Variants in FBF1 observed in about 807,000 individuals in gnomAD.
FBF1 encodes fas-binding factor 1.
A neutral mutation model predicts 147.2 loss-of-function variants in FBF1; 119 were observed. The ratio of observed to expected loss-of-function variants is 0.81; its 90% CI spans 0.70 to 0.94. The LOEUF is 0.94. Among genes scored for constraint, FBF1 ranks in the 40% least tolerant of loss-of-function variants. The probability of loss-of-function intolerance (pLI) is 0.00; values close to 1 mark genes in which losing one functional copy is unlikely to be tolerated. For missense variants in FBF1, 1,449 were observed against 1,500.8 expected, an observed-to-expected ratio of 0.97 and a Z score of 0.57; for synonymous variants, 601 against 609.0, an observed-to-expected ratio of 0.99 and a Z score of 0.19.
chr17:75,910,044 C>G lies in FBF1; in HGVS notation c.*679G>C, dbSNP rs950241038. On this transcript the variant is annotated 3_prime_UTR_variant, in exon 30 of 30. Coordinates refer to ENST00000636174, the MANE Select transcript of FBF1 (RefSeq NM_001319193.2). The surrounding 1 kb of genome is among the most constrained non-coding windows in gnomAD (Gnocchi z 4.1). ...CACCCCACCATCGCCACAGCTCCCT[C>G]CGCCGCCGGTGGGGCACCCAGATGG... 4 of 647,516 alleles carry G rather than the reference C, an allele frequency of 6.2e-6. No individual in the cohort carries two copies. The highest frequency in any genetic ancestry group is 5.6e-4 in the Middle Eastern group (2 of 3,566). The allele number at this position is 647,516 out of a possible 1,614,324, so 40.1% of individuals were successfully genotyped here.
At chr17:75,921,118 C>T (rs370464021) in intron 17 of FBF1, 126 bp downstream of exon 17, 66 of 966,870 alleles carry the variant, frequency 6.8e-5, no homozygotes, top group East Asian at 3.7e-4. Flanking sequence ...AGCTGGCTGA[C>T]GTCACATTTG....
At position 75,914,298 on chromosome 17, in the gene FBF1, C is replaced by T; in HGVS notation, c.2815G>A (p.Glu939Lys). 6.3e-7 allele frequency: 1 copy of T among 1,589,280 alleles called. No individual in the cohort carries two copies. The highest frequency in any genetic ancestry group is 2.3e-5 in the East Asian group (1 of 44,272). Residue 939 changes from glutamate (E) to lysine (K), a missense_variant and splice_region_variant, in exon 26 of 30, where the codon GAG becomes AAG. By Grantham distance (56) the Glu-to-Lys change is moderately conservative. Transcript: ENST00000636174. ...REGTLISLAK[E>K]QAELKIRASE... is the part of the protein sequence containing the mutation. ...GCCCTGATCTTCAGCTCAGCCTGCT[C>T]CTGGAGACAGCGGAGGCCCTGCTGC... is the stretch of plus-strand genomic sequence containing the variant.
Position 75,912,256 on chromosome 17 carries a change from C to T in FBF1, c.3299G>A (p.Gly1100Asp), listed in dbSNP as rs747063973. ...TTRWCSQPPTGLDPSPLHLHA... is the reference protein window; with the variant it reads ...TTRWCSQPPTDLDPSPLHLHA... ...GAGGTGCAAGGGGCTGGGGTCCAGG[C>T]CAGTTGGCGGCTGGCTGCACCAACG... is the stretch of plus-strand genomic sequence containing the variant. Residue 1100 changes from glycine to aspartate, a missense_variant, in exon 29 of 30, where the codon GGC becomes GAC. Coordinates refer to ENST00000636174, the MANE Select transcript of FBF1 (RefSeq NM_001319193.2). The T allele has an allele frequency of 1.6e-5, 25 of 1,610,688 alleles. No homozygotes were observed. Among genetic ancestry groups the T allele is most frequent in the Non-Finnish European group, 2.1e-5 (25 of 1,178,986 alleles).
At chr17:75,911,396 G>A (rs2065456061) in intron 29 of FBF1, among the ~76,000 whole-genome samples, 1 of 152,228 alleles carries the variant, frequency 6.6e-6, no homozygotes, top group African/African-American at 2.4e-5. Flanking sequence ...TGTCACCCAA[G>A]CTGAAGTGCA....
chr17:75,929,138 C>T (rs1362684484), intron 7 of FBF1, among the ~76,000 whole-genome samples: 1 of 152,056 alleles, frequency 6.6e-6, no homozygotes, highest in East Asian at 1.9e-4. Context: ...TTACAGGTGC[C>T]TGGCCTTTGA....
At chr17:75,930,799 G>T (rs1282282660) in intron 6 of FBF1, among the ~76,000 whole-genome samples, 1 of 152,156 alleles carries the variant, frequency 6.6e-6, no homozygotes, top group Non-Finnish European at 1.5e-5. Flanking sequence ...GTGGGTGCCT[G>T]TAATCCCAGC....
chr17:75,919,769 G>A lies in FBF1; in HGVS notation c.2037C>T (p.Ala679=), dbSNP rs17852146. ...SARYLSQCQE[A]EQARAELTAQ... ...CCGTAAGCTCAGCACGGGCCTGTTC[G>A]GCCTCCTGGCACTGCGACAGATACC... is the stretch of plus-strand genomic sequence containing the variant. The change falls in exon 20 of 30, where the codon GCC becomes GCT. Residue 679 remains alanine (A), a synonymous_variant. Coordinates refer to ENST00000636174, the MANE Select transcript of FBF1 (RefSeq NM_001319193.2). The surrounding 1 kb of genome is among the most constrained non-coding windows in gnomAD (Gnocchi z 5.0). 8.1e-6 allele frequency: 13 copies of A among 1,613,616 alleles called. No homozygotes were observed. Among genetic ancestry groups the A allele is most frequent in the African/African-American group, 2.7e-5 (2 of 75,038 alleles).
chr17:75,927,468 C>A lies in FBF1; in HGVS notation c.462G>T (p.Arg154Ser), dbSNP rs778301808. ...SPSSSGHQNR[R>S]FSSEDLEDPL... ...AGCCTATGGTACCTTCAGAGGAAAA[C>A]CTCCTGTTCTGATGCCCAGAGCTGC... is the stretch of plus-strand genomic sequence containing the variant. The change falls in exon 9 of 30, where the codon AGG (arginine) becomes AGT (serine). Residue 154 changes from arginine to serine, a missense_variant. By Grantham distance (110) the Arg-to-Ser change is moderately radical. Transcript: ENST00000636174. The A allele has an allele frequency of 6.3e-7, 1 of 1,596,268 alleles. No homozygotes were observed. Among genetic ancestry groups the A allele is most frequent in the Admixed American group, 1.7e-5 (1 of 57,336 alleles).
Position 75,925,807 on chromosome 17 carries a change from G to A in FBF1, c.868+223C>T, listed in dbSNP as rs2065557133. Among the ~76,000 whole-genome samples the A allele has an allele frequency of 6.6e-6, 1 of 152,232 alleles. No homozygotes were observed. The highest frequency in any genetic ancestry group is 2.1e-4 in the South Asian group (1 of 4,830). ...ACCAGCTTAATGTGTCACAGCCAGT[G>A]TGTTTCCAAATCAAACAGCATCTCA... On this transcript the variant is annotated intron_variant, in intron 12 of 29. Coordinates refer to ENST00000636174, the MANE Select transcript of FBF1 (RefSeq NM_001319193.2). This position sits in a 1 kb window ranked among gnomAD's most constrained non-coding sequence, Gnocchi z 5.0.
Position 75,917,215 on chromosome 17 carries a change from C to T in FBF1, c.2505+517G>A, listed in dbSNP as rs745659690. ...TGGGCCTTAAGTGATCCTGCTGCCT[C>T]AGCCCCCCAAGTAGCTGGGATTATA... On this transcript the variant is annotated intron_variant, in intron 23 of 29. Transcript: ENST00000636174. Among the ~76,000 whole-genome samples, 3 of 152,234 alleles carry T rather than the reference C, an allele frequency of 2.0e-5. No homozygotes were observed. The East Asian group carries it at 5.8e-4, about 29-fold the overall frequency.
In FBF1 at chr17:75,914,690, G is replaced by A; in HGVS notation, c.2814+57C>T. On this transcript the variant is annotated intron_variant, in intron 25 of 29. Transcript: ENST00000636174. ...CTAAGACTGGAAGCGGATGTGTCCA[G>A]ATGGAGGGGCGCAGGCAACCCTGGG... 3 of 1,463,918 alleles carry A rather than the reference G, an allele frequency of 2.0e-6. No individual in the cohort carries two copies. In the Admixed American group the frequency reaches 7.5e-5, roughly 37 times the overall value. The allele number at this position is 1,463,918 out of a possible 1,614,324, so 90.7% of individuals were successfully genotyped here. A position where few individuals can be genotyped will look rare whatever the true frequency, so the allele number is the denominator to read the frequency against.
chr17:75,914,671 C>G, intron 25 of FBF1, 76 bp downstream of exon 25: 1 of 1,410,308 alleles, frequency 7.1e-7, no homozygotes, highest in Non-Finnish European at 9.4e-7. Context: ...TTTCCTAAGA[C>G]TGGAAGCGGA....
chr17:75,923,364 C>T lies in FBF1; in HGVS notation c.1246G>A (p.Gly416Arg), dbSNP rs148762931. The T allele has an allele frequency of 5.6e-6, 9 of 1,605,572 alleles. No individual in the cohort carries two copies. The East Asian group carries it at 2.0e-4, about 36-fold the overall frequency. The change falls in exon 14 of 30, where the codon GGG becomes AGG. Residue 416 changes from glycine to arginine, a missense_variant. Transcript: ENST00000636174. The surrounding 1 kb of genome is among the most constrained non-coding windows in gnomAD (Gnocchi z 4.1). ...GCCTGGCTGGCTTTGGCAGGGGACC[C>T]TGCACCTTCAGTTGGTGGCTTTGCC... ...SRAKPPTEGA[G>R]SPAKASQASK...
intron 4 of FBF1, among the ~76,000 whole-genome samples, chr17:75,933,796 A>T (rs1017248707): frequency 3.3e-5 from 5 of 152,186 alleles, no homozygotes; most frequent in Admixed American, 1.3e-4. Context: ...GTGGCCAATA[A>T]ACACATGAAA....
At chr17:75,932,109 G>A (rs1342181675) in intron 5 of FBF1, among the ~76,000 whole-genome samples, 3 of 152,346 alleles carry the variant, frequency 2.0e-5, no homozygotes, top group African/African-American at 2.4e-5. Context: ...GGCCAGGCGC[G>A]GTGGCGCACG....
rs538027415 is a variant in FBF1, at chr17:75,915,062, C to T, written c.2583G>A (p.Thr861=). ...QRALEEQRKV[T]AQQMAMERAE... is the part of the protein sequence containing the mutation. ...CCCTTTCCATGGCCATCTGCTGGGC[C>T]GTGACCTTCCTTTGCTCCTCTAGGG... Residue 861 remains threonine, a synonymous_variant, in exon 24 of 30, where the codon ACG becomes ACA. Transcript: ENST00000636174. 7 of 1,613,548 alleles carry T rather than the reference C, an allele frequency of 4.3e-6. No individual in the cohort carries two copies. The highest frequency in any genetic ancestry group is 4.5e-5 in the East Asian group (2 of 44,880).
At position 75,912,278 on chromosome 17, in the gene FBF1, A is replaced by C; in HGVS notation, c.3277T>G (p.Trp1093Gly). Reference sequence around the variant, plus strand: ...AGGCCAGTTGGCGGCTGGCTGCACCAACGGGTGGTGGGAGCAGGAGGCATG... The same window carrying C: ...AGGCCAGTTGGCGGCTGGCTGCACCCACGGGTGGTGGGAGCAGGAGGCATG... ...ALMPPAPTTR[W>G]CSQPPTGLDP... is the part of the protein sequence containing the mutation. Residue 1093 changes from tryptophan (W) to glycine (G), a missense_variant, in exon 29 of 30, where the codon TGG (tryptophan) becomes GGG (glycine). Trp to Gly is a radical substitution (Grantham distance 184). Coordinates refer to ENST00000636174, the MANE Select transcript of FBF1 (RefSeq NM_001319193.2). 1 of 1,608,774 alleles carries C rather than the reference A, an allele frequency of 6.2e-7. No homozygotes were observed.
rs1013300331 is a variant in FBF1, at chr17:75,910,577, C to T, written c.*146G>A. The T allele has an allele frequency of 1.5e-5, 10 of 686,992 alleles. No homozygotes were observed. In the African/African-American group the frequency reaches 1.6e-4, roughly 11 times the overall value. 42.6% of individuals were successfully genotyped at this position (686,992 alleles called of 1,614,324 possible). A position where few individuals can be genotyped will look rare whatever the true frequency, so the allele number is the denominator to read the frequency against. On this transcript the variant is annotated 3_prime_UTR_variant, in exon 30 of 30. Transcript: ENST00000636174. The surrounding 1 kb of genome is among the most constrained non-coding windows in gnomAD (Gnocchi z 4.1). ...CGGGCTGGCACATTTGGAAAGGATGCACTTGCACCCTGTCCACGGAAGAGC... is the reference window on the plus strand; with the variant it reads ...CGGGCTGGCACATTTGGAAAGGATGTACTTGCACCCTGTCCACGGAAGAGC...
At position 75,927,403 on chromosome 17, in the gene FBF1, G is replaced by A. The variant is rs1449252344; in HGVS notation, c.475+52C>T. 4 of 1,499,302 alleles carry A rather than the reference G, an allele frequency of 2.7e-6. No individual in the cohort carries two copies. The South Asian group carries it at 3.6e-5, about 14-fold the overall frequency. 92.9% of individuals were successfully genotyped at this position (1,499,302 alleles called of 1,614,324 possible). A position where few individuals can be genotyped will look rare whatever the true frequency, so the allele number is the denominator to read the frequency against. Reference sequence around the variant, plus strand: ...TCGGGCCAGCAAGCATGCCTAGGCTGCTCCACTCCCAAACCAGAGTGTCCC... The same window carrying A: ...TCGGGCCAGCAAGCATGCCTAGGCTACTCCACTCCCAAACCAGAGTGTCCC... On this transcript the variant is annotated intron_variant, in intron 9 of 29. Transcript: ENST00000636174.
Sources: allele counts gnomAD v4.1 joint callset (sites outside exome capture counted in the v4.1 genomes callset), GRCh38; gene constraint gnomAD v4.1.1; non-coding constraint Gnocchi (gnomAD v3.1); transcripts MANE v1.5; gene names NCBI Gene and HGNC (gene_info 2026-07-23, HGNC 2026-07-21).